The following SYT15B variants were observed in gnomAD, a reference collection of about 807,000 sequenced individuals.
The protein encoded by SYT15B is synaptotagmin-15.
At chr10:47,748,371 C>T in the SYT15B span, among the ~76,000 whole-genome samples, 3 of 149,392 alleles carry the variant, frequency 2.0e-5, no homozygotes, top group Non-Finnish European at 3.0e-5. Flanking sequence ...GCCACCATGC[C>T]TGGCTAATTT....
the SYT15B span, among the ~76,000 whole-genome samples, chr10:47,748,458 T>C: frequency 6.6e-6 from 1 of 151,976 alleles, no homozygotes; most frequent in Non-Finnish European, 1.5e-5. Context: ...GGTGATCCAC[T>C]GGCCTTGGCC....
At chr10:47,760,261 C>T in the SYT15B span, among the ~76,000 whole-genome samples, 3 of 59,438 alleles carry the variant, frequency 5.0e-5, no homozygotes, top group African/African-American at 1.9e-4. Flanking sequence ...CCTTCCATGG[C>T]GTCTAGGGAA....
At chr10:47,748,142 A>G in the SYT15B span, among the ~76,000 whole-genome samples, 2 of 151,884 alleles carry the variant, frequency 1.3e-5, no homozygotes, top group African/African-American at 4.8e-5. Flanking sequence ...TCCAAAACTG[A>G]TAAAGCTTTA....
At chr10:47,757,504 T>G in the SYT15B span, among the ~76,000 whole-genome samples, 2 of 81,050 alleles carry the variant, frequency 2.5e-5, no homozygotes, top group Non-Finnish European at 6.2e-5. Flanking sequence ...CTGGAGAGTT[T>G]AAGGGGCTTG....
At chr10:47,756,883 G>A in the SYT15B span, among the ~76,000 whole-genome samples, 1 of 144,818 alleles carries the variant, frequency 6.9e-6, no homozygotes, top group Non-Finnish European at 1.5e-5. Context: ...GCCGCTGATG[G>A]AAAGGTGGAG....
chr10:47,750,708 G>A, the SYT15B span, among the ~76,000 whole-genome samples: 1 of 131,032 alleles, frequency 7.6e-6, no homozygotes, highest in African/African-American at 2.8e-5. Flanking sequence ...AAAGTGCGGG[G>A]ATAATAGATG....
chr10:47,746,776 A>G, the SYT15B span, among the ~76,000 whole-genome samples: 2 of 115,834 alleles, frequency 1.7e-5, no homozygotes, highest in Non-Finnish European at 3.6e-5. Flanking sequence ...TGGCATTGAC[A>G]TGTTGTGATT....
the SYT15B span, chr10:47,758,003 A>ACCAGCT: frequency 6.7e-7 from 1 of 1,488,036 alleles, no homozygotes; most frequent in Non-Finnish European, 9.1e-7. Context: ...GGGGAAGAGC[A>ACCAGCT]CCTGGCCCAG....
chr10:47,748,118 T>A, the SYT15B span, among the ~76,000 whole-genome samples: 1 of 151,918 alleles, frequency 6.6e-6, no homozygotes, highest in African/African-American at 2.4e-5. Context: ...TAAATAAATA[T>A]AGGCTGAGAA....
At chr10:47,748,376 T>C in the SYT15B span, among the ~76,000 whole-genome samples, 1 of 149,784 alleles carries the variant, frequency 6.7e-6, no homozygotes, top group Non-Finnish European at 1.5e-5. Context: ...CATGCCTGGC[T>C]AATTTTTGGA....
At chr10:47,756,844 G>A in the SYT15B span, among the ~76,000 whole-genome samples, 3 of 142,752 alleles carry the variant, frequency 2.1e-5, no homozygotes, top group South Asian at 2.4e-4. Flanking sequence ...AGGGAGGTGC[G>A]GGCCTCACCC....
At chr10:47,756,374 GA>G in the SYT15B span, among the ~76,000 whole-genome samples, 2 of 110,954 alleles carry the variant, frequency 1.8e-5, no homozygotes, top group African/African-American at 7.2e-5. Flanking sequence ...GTGACCAGAG[GA>G]AGCCGGCTGA....
chr10:47,760,659 AGTGGTCCCTGG>A, the SYT15B span: 21 of 658,306 alleles, frequency 3.2e-5, no homozygotes, highest in African/African-American at 1.7e-4. Context: ...ACCCAGAAAG[AGTGGTCCCTGG>A]GTGGTCCCTG....
the SYT15B span, among the ~76,000 whole-genome samples, chr10:47,750,293 A>AT: frequency 6.9e-6 from 1 of 145,426 alleles, no homozygotes; most frequent in African/African-American, 2.6e-5. Flanking sequence ...AAAGTCTGTC[A>AT]TAAACATAGC....
chr10:47,755,490 C>T, the SYT15B span, among the ~76,000 whole-genome samples: 61 of 150,470 alleles, frequency 4.1e-4, no homozygotes, highest in African/African-American at 1.4e-3. Context: ...CTCCTGACCT[C>T]GTGATCTGCC....
chr10:47,747,503 C>T, the SYT15B span, among the ~76,000 whole-genome samples: 2 of 136,906 alleles, frequency 1.5e-5, no homozygotes, highest in East Asian at 4.3e-4. Context: ...ACGGGCAAAC[C>T]AGAGATGGAG....
the SYT15B span, chr10:47,751,259 T>G: frequency 7.1e-6 from 1 of 140,770 alleles, no homozygotes; most frequent in African/African-American, 2.6e-5. Flanking sequence ...CTTGCCAAAC[T>G]TATTAGCTCT....
the SYT15B span, among the ~76,000 whole-genome samples, chr10:47,750,141 C>T: frequency 6.6e-6 from 1 of 151,840 alleles, no homozygotes; most frequent in Non-Finnish European, 1.5e-5. Context: ...GAAAAACAGA[C>T]AAAAATATCA....
At chr10:47,761,162 A>G in the SYT15B span, among the ~76,000 whole-genome samples, 1 of 151,028 alleles carries the variant, frequency 6.6e-6, no homozygotes, top group Non-Finnish European at 1.5e-5. Context: ...ACAGCACCTG[A>G]CAGTGTCAGC....
Sources: allele counts gnomAD v4.1 joint callset (sites outside exome capture counted in the v4.1 genomes callset), GRCh38; gene constraint gnomAD v4.1.1; transcripts MANE v1.5; gene names NCBI Gene and HGNC (gene_info 2026-07-23, HGNC 2026-07-21).